Variants in RBPJ observed in about 807,000 individuals in gnomAD.
RBPJ encodes the protein recombining binding protein suppressor of hairless.
Under a neutral mutation model 67.8 loss-of-function variants are expected in RBPJ, and 9 were observed. The observed-to-expected ratio is 0.13, with a 90% CI of 0.08 to 0.23. The LOEUF (loss-of-function observed/expected upper bound fraction) is 0.23. Ranked by LOEUF, RBPJ falls within the 10% of genes least tolerant of loss-of-function variation. The pLI is 1.00. For missense variants in RBPJ, 305 were observed against 595.6 expected (o/e 0.51, Z 5.08); for synonymous variants, 198 against 203.3 (o/e 0.97, Z 0.22).
At chr4:26,386,770 A>G (rs1730958060) in intron 2 of RBPJ, among the ~76,000 whole-genome samples, 1 of 152,184 alleles carries the variant, frequency 6.6e-6, no homozygotes, top group Non-Finnish European at 1.5e-5. Context: ...AACAGTTTTT[A>G]CCCATTTTAA....
chr4:26,111,815 A>G, the RBPJ span: 1 of 160,574 alleles, frequency 6.2e-6, no homozygotes, highest in African/African-American at 2.4e-5. Flanking sequence ...TAAGCTCAAC[A>G]CATATCAGAG....
chr4:26,183,781 G>A (rs930096600), intron 1 of RBPJ, among the ~76,000 whole-genome samples: 3 of 152,146 alleles, frequency 2.0e-5, no homozygotes, highest in South Asian at 2.1e-4. Flanking sequence ...AGGCTGAGGC[G>A]AGCAGATCAC....
At chr4:26,246,031 T>G (rs772909756) in intron 1 of RBPJ, among the ~76,000 whole-genome samples, 1 of 152,212 alleles carries the variant, frequency 6.6e-6, no homozygotes, top group Non-Finnish European at 1.5e-5. Context: ...TAAAAGATTG[T>G]TATAGTTATT....
chr4:26,298,921 A>G (rs1721976313), intron 1 of RBPJ, among the ~76,000 whole-genome samples: 1 of 152,118 alleles, frequency 6.6e-6, no homozygotes, highest in Admixed American at 6.5e-5. Context: ...TTTAAGAACT[A>G]AAACTAACCA....
At chr4:26,281,602 TTCTC>T (rs1011686024) in intron 1 of RBPJ, among the ~76,000 whole-genome samples, 1 of 152,232 alleles carries the variant, frequency 6.6e-6, no homozygotes, top group East Asian at 1.9e-4. Context: ...ACCTTTAAAA[TTCTC>T]TCTGACTTAT....
chr4:26,139,328 T>C, the RBPJ span, among the ~76,000 whole-genome samples: 1,457 of 152,306 alleles, frequency 9.6e-3, 22 homozygotes, highest in African/African-American at 0.034. Context: ...CTTCGTTATT[T>C]ATTGGGTACT....
intron 2 of RBPJ, among the ~76,000 whole-genome samples, chr4:26,390,888 C>T (rs911071772): frequency 1.3e-5 from 2 of 152,042 alleles, no homozygotes; most frequent in African/African-American, 4.8e-5. Flanking sequence ...GACCTTGTCT[C>T]TACAAATAAT....
intron 2 of RBPJ, among the ~76,000 whole-genome samples, chr4:26,387,898 T>C (rs974650986): frequency 3.3e-5 from 5 of 152,124 alleles, no homozygotes; most frequent in African/African-American, 1.2e-4. Context: ...TGATATAAAA[T>C]TGGGTCCAGG....
rs11350013 is a variant in RBPJ at position 26,327,542 on chromosome 4, G to GTTTTTTTT, written c.20+6511_20+6518dup. Among the ~76,000 whole-genome samples, 112 of 104,902 alleles carry GTTTTTTTT rather than the reference G, an allele frequency of 1.1e-3. 1 individual carries two copies. Among genetic ancestry groups the GTTTTTTTT allele is most frequent in the Non-Finnish European group, 1.4e-3 (75 of 54,598 alleles). 68.8% of individuals were successfully genotyped at this position (104,902 alleles called of 152,430 possible). On this transcript the variant is annotated intron_variant, in intron 1 of 10. Transcript: ENST00000355476. The stretch of plus-strand genomic sequence containing the variant: ...CTAGAGAATCAAGTTGACCCTGGAG[G>GTTTTTTTT]TTTTTTTTTTTTTTTTTTTTTTTTG...
At chr4:26,176,471 T>C (rs2109123715) in intron 1 of RBPJ, among the ~76,000 whole-genome samples, 1 of 152,344 alleles carries the variant, frequency 6.6e-6, no homozygotes. Context: ...GGGGGATTCC[T>C]GAATGCCTTG....
chr4:26,255,760 C>T (rs1243161282), intron 1 of RBPJ, among the ~76,000 whole-genome samples: 1 of 150,416 alleles, frequency 6.6e-6, no homozygotes, highest in Non-Finnish European at 1.5e-5. Flanking sequence ...CGAGATCGTG[C>T]CACTGCACTC....
chr4:26,350,503 G>A (rs1200920530), intron 1 of RBPJ, among the ~76,000 whole-genome samples: 2 of 152,074 alleles, frequency 1.3e-5, no homozygotes, highest in Non-Finnish European at 2.9e-5. Flanking sequence ...CTGAACATAC[G>A]TAGTTAAATT....
intron 1 of RBPJ, among the ~76,000 whole-genome samples, chr4:26,267,385 C>T (rs1185349576): frequency 6.6e-6 from 1 of 152,096 alleles, no homozygotes; most frequent in Non-Finnish European, 1.5e-5. Flanking sequence ...CTGGGTTCCT[C>T]TGAGTATATT....
rs55806116 is a variant in RBPJ, at chr4:26,210,727, C to CCTTCTTTCTTTA, written c.-167+47120_-167+47121insCTTTACTTCTTT. 2.9e-3 allele frequency among the ~76,000 whole-genome samples: 180 copies of CCTTCTTTCTTTA among 61,622 alleles called. 5 individuals are homozygous for CCTTCTTTCTTTA. Among genetic ancestry groups the CCTTCTTTCTTTA allele is most frequent in the Middle Eastern group, 8.2e-3 (1 of 122 alleles). The allele number at this position is 61,622 out of a possible 152,430, so 40.4% of individuals were successfully genotyped here. ...TCTTTCCTTCTTTCCTTCTTTCTTT[C>CCTTCTTTCTTTA]CTTCTTTACTTCTTTCCTTCTTTCC... On this transcript the variant is annotated intron_variant, in intron 1 of 4. Transcript: ENST00000512351.
At chr4:26,410,964 G>A (rs939521730) in intron 3 of RBPJ, among the ~76,000 whole-genome samples, 3 of 152,186 alleles carry the variant, frequency 2.0e-5, no homozygotes, top group Admixed American at 6.5e-5. Context: ...TAAAGGCAAC[G>A]TGTTTTATAG....
chr4:26,259,771 G>C (rs558084202), intron 1 of RBPJ, among the ~76,000 whole-genome samples: 1 of 152,288 alleles, frequency 6.6e-6, no homozygotes, highest in South Asian at 2.1e-4. Context: ...GCACAAACAA[G>C]ATGAATTTTT....
chr4:26,137,453 T>A, the RBPJ span, among the ~76,000 whole-genome samples: 1 of 152,332 alleles, frequency 6.6e-6, no homozygotes, highest in South Asian at 2.1e-4. Context: ...CAGATGACAC[T>A]GCTTTGTGAC....
At chr4:26,392,702 A>G (rs1255862959) in intron 2 of RBPJ, among the ~76,000 whole-genome samples, 1 of 152,102 alleles carries the variant, frequency 6.6e-6, no homozygotes, top group Non-Finnish European at 1.5e-5. Context: ...CAGAAAGGAA[A>G]CTCACAATTG....
intron 1 of RBPJ, among the ~76,000 whole-genome samples, chr4:26,232,656 A>C (rs906714079): frequency 1.3e-5 from 2 of 152,196 alleles, no homozygotes; most frequent in African/African-American, 4.8e-5. Context: ...AACAACAACA[A>C]CGATAATAAT....
Sources: gnomAD v4.1 joint callset for allele counts (sites outside exome capture counted in the v4.1 genomes callset) on GRCh38, gnomAD v4.1.1 for gene constraint, MANE v1.5 for transcripts, NCBI Gene and HGNC (gene_info 2026-07-23, HGNC 2026-07-21) for gene names.